SUMF1: variants seen among roughly 807,000 people sequenced by gnomAD.
SUMF1 encodes the protein sulfatase modifying factor 1.
Under a neutral mutation model 47.6 loss-of-function variants are expected in SUMF1, and 48 were observed. The ratio of observed to expected loss-of-function variants is 1.01; its 90% CI spans 0.80 to 1.28. The LOEUF is 1.28. Among genes scored for constraint, SUMF1 ranks in the 50% most tolerant of loss-of-function variants. The probability of loss-of-function intolerance (pLI) is 0.00; values close to 1 mark genes in which losing one functional copy is unlikely to be tolerated. For missense variants in SUMF1, 571 were observed against 485.4 expected (o/e 1.18, Z -1.66); for synonymous variants, 230 against 192.1 (o/e 1.20, Z -1.63).
rs1360056630 is a variant in SUMF1 at position 4,184,128 on chromosome 3, C to G, written c.1015-115383G>C. Among the ~76,000 whole-genome samples the G allele has an allele frequency of 2.7e-5, 4 of 149,020 alleles. No homozygotes were observed. The East Asian group carries it at 6.0e-4, about 22-fold the overall frequency. On this transcript the variant is annotated intron_variant and NMD_transcript_variant, in intron 8 of 12. Coordinates refer to the SUMF1 transcript ENST00000448413. ...CCAGCCTGGGTGATGCCATGTGACC[C>G]TGTCTCGAAAAAAAATTAAAAAAAA...
chr3:4,130,726 C>T (rs1378812919), intron 8 of SUMF1, among the ~76,000 whole-genome samples: 1 of 151,990 alleles, frequency 6.6e-6, no homozygotes, highest in Non-Finnish European at 1.5e-5. Context: ...AAGAAAGAGG[C>T]ACAATGCCTA....
intron 8 of SUMF1, among the ~76,000 whole-genome samples, chr3:4,252,117 T>C (rs773785533): frequency 9.2e-5 from 14 of 152,092 alleles, no homozygotes; most frequent in Non-Finnish European, 1.9e-4. Context: ...CTGACCTAAG[T>C]AAATAAAGAA....
At chr3:4,117,366 G>T (rs1693444566) in intron 8 of SUMF1, among the ~76,000 whole-genome samples, 1 of 151,962 alleles carries the variant, frequency 6.6e-6, no homozygotes, top group African/African-American at 2.4e-5. Context: ...AAATCTCATG[G>T]GACAAAATGA....
At chr3:4,306,048 TG>T (rs149450598) in intron 8 of SUMF1, among the ~76,000 whole-genome samples, 5,599 of 152,232 alleles carry the variant, frequency 0.037, 149 homozygotes, top group Non-Finnish European at 0.056. Flanking sequence ...TGCAAGGTGG[TG>T]GGTTGGGCTG....
chr3:4,100,160 C>A (rs3913297), intron 8 of SUMF1, among the ~76,000 whole-genome samples: 1 of 150,968 alleles, frequency 6.6e-6, no homozygotes. Context: ...AAAATTCTAA[C>A]GTAATTCTTC....
chr3:4,153,522 G>GTTTT (rs66765266), intron 8 of SUMF1, among the ~76,000 whole-genome samples: 3 of 145,526 alleles, frequency 2.1e-5, no homozygotes, highest in Non-Finnish European at 3.0e-5. Flanking sequence ...CGCCTTGTAG[G>GTTTT]TTTTTTTTTT....
Position 4,095,191 on chromosome 3 carries a change from T to C in SUMF1, c.1015-26446A>G, listed in dbSNP as rs556839518. Reference sequence around the variant, plus strand: ...ATAATGAAATTTTTAAAAAATGATTTTTTACAGGGTAGACTGTATCTATGG... The same window carrying C: ...ATAATGAAATTTTTAAAAAATGATTCTTTACAGGGTAGACTGTATCTATGG... On this transcript the variant is annotated intron_variant and NMD_transcript_variant, in intron 8 of 12. Coordinates refer to the SUMF1 transcript ENST00000448413. Among the ~76,000 whole-genome samples, 29 of 152,226 alleles carry C rather than the reference T, an allele frequency of 1.9e-4. No homozygotes were observed. The South Asian group carries it at 5.2e-3, about 27-fold the overall frequency.
intron 8 of SUMF1, among the ~76,000 whole-genome samples, chr3:4,278,031 A>G (rs547230637): frequency 6.6e-6 from 1 of 152,286 alleles, no homozygotes; most frequent in African/African-American, 2.4e-5. Context: ...TTTTTTCGCT[A>G]CAACACAAGA....
intron 8 of SUMF1, among the ~76,000 whole-genome samples, chr3:4,086,897 C>G (rs1692683894): frequency 6.6e-6 from 1 of 152,066 alleles, no homozygotes; most frequent in Non-Finnish European, 1.5e-5. Context: ...TCTTGCCTTC[C>G]ACCATGATTA....
At chr3:4,276,880 C>A (rs1559643437) in intron 8 of SUMF1, among the ~76,000 whole-genome samples, 1 of 151,968 alleles carries the variant, frequency 6.6e-6, no homozygotes, top group Non-Finnish European at 1.5e-5. Context: ...AAAACCTTGA[C>A]AAAATAAGTA....
chr3:4,436,483 G>T (rs1000468117), intron 3 of SUMF1, among the ~76,000 whole-genome samples: 4 of 152,068 alleles, frequency 2.6e-5, no homozygotes, highest in Non-Finnish European at 5.9e-5. Context: ...GACATTGGAA[G>T]ATGGAGTGAG....
intron 8 of SUMF1, among the ~76,000 whole-genome samples, chr3:4,372,938 C>T (rs933241838): frequency 2.6e-5 from 4 of 152,162 alleles, no homozygotes; most frequent in Non-Finnish European, 4.4e-5. Flanking sequence ...TTCATTTGAC[C>T]AAGATCCTGG....
chr3:4,243,004 A>G (rs1696577562), intron 8 of SUMF1, among the ~76,000 whole-genome samples: 1 of 151,612 alleles, frequency 6.6e-6, no homozygotes, highest in Non-Finnish European at 1.5e-5. Context: ...TAGTCTTGGG[A>G]GGGTGTATGT....
intron 8 of SUMF1, chr3:4,317,442 G>A: frequency 3.8e-6 from 2 of 524,006 alleles, no homozygotes; most frequent in East Asian, 6.7e-5. Context: ...CAGCACTTTG[G>A]GAGGCCCAGG....
chr3:4,064,888 G>A (rs967888519), intron 9 of SUMF1, among the ~76,000 whole-genome samples: 1 of 152,118 alleles, frequency 6.6e-6, no homozygotes, highest in East Asian at 1.9e-4. Context: ...CATTTGGAAG[G>A]AAAATAAAAC....
At chr3:4,149,526 A>C (rs1694270734) in intron 8 of SUMF1, among the ~76,000 whole-genome samples, 1 of 152,144 alleles carries the variant, frequency 6.6e-6, no homozygotes. Context: ...TAGGAAGCTA[A>C]TGACTTCTGG....
intron 8 of SUMF1, among the ~76,000 whole-genome samples, chr3:4,344,143 T>A (rs1043390682): frequency 2.0e-5 from 3 of 152,178 alleles, no homozygotes; most frequent in Non-Finnish European, 4.4e-5. Context: ...AGCATGAGAA[T>A]CCTTCACCGG....
At chr3:4,223,028 T>G (rs955201014) in intron 8 of SUMF1, among the ~76,000 whole-genome samples, 3 of 152,050 alleles carry the variant, frequency 2.0e-5, no homozygotes, top group Non-Finnish European at 2.9e-5. Context: ...AACTTCCACG[T>G]TTTTCTCTGT....
intron 8 of SUMF1, among the ~76,000 whole-genome samples, chr3:4,199,007 A>G (rs2125150390): frequency 6.6e-6 from 1 of 152,196 alleles, no homozygotes; most frequent in East Asian, 1.9e-4. Flanking sequence ...TTAAAGTGCA[A>G]TTTATAATAC....
Sources: allele counts gnomAD v4.1 joint callset (sites outside exome capture counted in the v4.1 genomes callset), GRCh38; gene constraint gnomAD v4.1.1; transcripts MANE v1.5; gene names NCBI Gene and HGNC (gene_info 2026-07-23, HGNC 2026-07-21).